Variants in USP15 observed in about 807,000 individuals in gnomAD.
USP15 encodes ubiquitin carboxyl-terminal hydrolase 15.
In USP15, 18 loss-of-function variants were observed where a neutral mutation model predicts 127.1. That is an observed-to-expected ratio of 0.14 (90% CI 0.10 to 0.21). USP15 has a LOEUF of 0.21. Ranked by LOEUF, USP15 falls within the 10% of genes least tolerant of loss-of-function variation. USP15 has a pLI of 1.00. For synonymous variants in USP15, 364 were observed against 393.7 expected, an observed-to-expected ratio of 0.92 and a Z score of 0.89; for missense variants, 805 against 1,159.9, an observed-to-expected ratio of 0.69 and a Z score of 4.44.
In USP15 at chr12:62,340,207, T is replaced by C. The variant is rs1242281243; in HGVS notation, c.684-9014T>C. ...TATAGTACTCTCTGATGGTAGTTTT[T>C]ATTTCTGTGGGATCAGTGGTGATAT... is the stretch of plus-strand genomic sequence containing the variant. On this transcript the variant is annotated intron_variant, in intron 6 of 21. Transcript: ENST00000280377. Among the ~76,000 whole-genome samples, 3 of 152,212 alleles carry C rather than the reference T, an allele frequency of 2.0e-5. No individual in the cohort carries two copies. The East Asian group carries it at 5.8e-4, about 29-fold the overall frequency.
chr12:62,391,914 C>T, intron 17 of USP15, 28 bp downstream of exon 17: 1 of 1,570,056 alleles, frequency 6.4e-7, no homozygotes, highest in Non-Finnish European at 8.7e-7. Context: ...CACTTATTTA[C>T]CTTTCCTTGA....
intron 8 of USP15, among the ~76,000 whole-genome samples, chr12:62,370,110 G>C (rs2066615365): frequency 6.6e-6 from 1 of 152,118 alleles, no homozygotes; most frequent in Admixed American, 6.5e-5. Context: ...GAGTAGCTGG[G>C]ACCACAAGCG....
chr12:62,283,197 G>T (rs991244247), intron 1 of USP15, among the ~76,000 whole-genome samples: 2 of 152,296 alleles, frequency 1.3e-5, no homozygotes, highest in East Asian at 3.9e-4. Flanking sequence ...GATAGTAGAA[G>T]AGTAAAAGCT....
intron 20 of USP15, among the ~76,000 whole-genome samples, chr12:62,399,682 C>G (rs1006840671): frequency 2.6e-5 from 4 of 152,070 alleles, no homozygotes; most frequent in Non-Finnish European, 4.4e-5. Flanking sequence ...CGGTTTCTCT[C>G]CATGGTTGAT....
chr12:62,295,142 C>G (rs895448470), intron 2 of USP15, among the ~76,000 whole-genome samples: 10 of 152,252 alleles, frequency 6.6e-5, no homozygotes, highest in East Asian at 3.9e-4. Flanking sequence ...TAGACCCCCC[C>G]CCATAGGGTT....
At chr12:62,332,571 T>G (rs2065336767) in intron 6 of USP15, among the ~76,000 whole-genome samples, 1 of 152,200 alleles carries the variant, frequency 6.6e-6, no homozygotes, top group African/African-American at 2.4e-5. Flanking sequence ...TTTATTCATT[T>G]TCATTGATTA....
chr12:62,394,633 A>G (rs1013190094), intron 19 of USP15, among the ~76,000 whole-genome samples: 2 of 152,140 alleles, frequency 1.3e-5, no homozygotes, highest in Non-Finnish European at 2.9e-5. Flanking sequence ...GTGGATCACA[A>G]GGTCAGGAGA....
chr12:62,378,941 G>C (rs1592699979), intron 8 of USP15, among the ~76,000 whole-genome samples: 1 of 152,072 alleles, frequency 6.6e-6, no homozygotes, highest in African/African-American at 2.4e-5. Context: ...TTGTGAACAT[G>C]ATCAGTGCTA....
In USP15 at chr12:62,407,888, C is replaced by T. The variant is rs535835735; in HGVS notation, c.*3513C>T. ...TTATAATTTAGTTTTAATTAACCTC[C>T]TTGAAAAAGTTGCAGCCTGGTGCTT... On this transcript the variant is annotated 3_prime_UTR_variant, in exon 22 of 22. Coordinates refer to ENST00000280377, the MANE Select transcript of USP15 (RefSeq NM_001252078.2). 1 of 152,180 alleles carries T rather than the reference C, an allele frequency of 6.6e-6. No homozygotes were observed. The highest frequency in any genetic ancestry group is 1.5e-5 in the Non-Finnish European group (1 of 68,002). The allele number at this position is 152,180 out of a possible 1,614,324, so 9.4% of individuals were successfully genotyped here. A position where few individuals can be genotyped will look rare whatever the true frequency, so the allele number is the denominator to read the frequency against.
intron 6 of USP15, among the ~76,000 whole-genome samples, chr12:62,330,120 A>T (rs2065246854): frequency 6.6e-6 from 1 of 152,220 alleles, no homozygotes; most frequent in South Asian, 2.1e-4. Flanking sequence ...GAGATTCATA[A>T]ATATTTAAGA....
intron 8 of USP15, among the ~76,000 whole-genome samples, chr12:62,375,741 G>A (rs569882291): frequency 2.0e-5 from 3 of 152,124 alleles, no homozygotes; most frequent in East Asian, 1.9e-4. Context: ...GTCTTAAGAC[G>A]CCTAATTCAA....
Position 62,389,996 on chromosome 12 carries a change from C to A in USP15, c.1844+8C>A. 4 of 1,567,780 alleles carry A rather than the reference C, an allele frequency of 2.6e-6. No individual in the cohort carries two copies. The highest frequency in any genetic ancestry group is 3.5e-6 in the Non-Finnish European group (4 of 1,157,402). On this transcript the variant is annotated splice_region_variant and intron_variant, in intron 14 of 21. Coordinates refer to ENST00000280377, the MANE Select transcript of USP15 (RefSeq NM_001252078.2). The stretch of plus-strand genomic sequence containing the variant: ...CCTGCTCTTGAGAATGTGGTAAGTG[C>A]CAGACAATTCTACATTGACAAAATA...
intron 6 of USP15, among the ~76,000 whole-genome samples, chr12:62,343,743 C>G (rs2065723216): frequency 6.6e-6 from 1 of 152,160 alleles, no homozygotes; most frequent in Non-Finnish European, 1.5e-5. Flanking sequence ...CCTAACCAGT[C>G]CCAATGAGAT....
chr12:62,381,237 A>C (rs1022546650), intron 8 of USP15, among the ~76,000 whole-genome samples: 1 of 152,098 alleles, frequency 6.6e-6, no homozygotes, highest in Non-Finnish European at 1.5e-5. Flanking sequence ...GCTGTGGTTA[A>C]AATTAATGCA....
intron 3 of USP15, among the ~76,000 whole-genome samples, chr12:62,312,542 A>G (rs1175262841): frequency 1.3e-5 from 2 of 151,662 alleles, no homozygotes; most frequent in Admixed American, 6.6e-5. Context: ...TTACATATCC[A>G]TAAGTCTTCC....
At chr12:62,387,420 A>C (rs976851213) in intron 11 of USP15, among the ~76,000 whole-genome samples, 2 of 152,176 alleles carry the variant, frequency 1.3e-5, no homozygotes, top group Non-Finnish European at 2.9e-5. Flanking sequence ...GAGAGCATAT[A>C]AAATTGAGAA....
chr12:62,402,766 TG>T (rs1473054175), intron 21 of USP15, among the ~76,000 whole-genome samples: 5 of 152,064 alleles, frequency 3.3e-5, no homozygotes, highest in African/African-American at 1.2e-4. Flanking sequence ...GCCATTAGAT[TG>T]TTAAACAAGA....
At chr12:62,389,401 A>T in intron 11 of USP15, 30 bp from the exon 12 acceptor site, 3 of 1,578,792 alleles carry the variant, frequency 1.9e-6, no homozygotes, top group Non-Finnish European at 2.6e-6. Flanking sequence ...CCAAAATAAT[A>T]AATTCATTAC....
At chr12:62,335,883 G>A in intron 6 of USP15, 1 of 985,342 alleles carries the variant, frequency 1.0e-6, no homozygotes, top group Non-Finnish European at 1.2e-6. Flanking sequence ...GAATTTGAAT[G>A]CATGATACGA....
Sources: allele counts gnomAD v4.1 joint callset (sites outside exome capture counted in the v4.1 genomes callset), GRCh38; gene constraint gnomAD v4.1.1; transcripts MANE v1.5; gene names NCBI Gene and HGNC (gene_info 2026-07-23, HGNC 2026-07-21).